The following GLS variants were observed in gnomAD, a reference collection of about 807,000 sequenced individuals.
GLS encodes the protein glutaminase.
A neutral mutation model predicts 86.7 loss-of-function variants in GLS; 36 were observed. The ratio of observed to expected loss-of-function variants is 0.42; its 90% CI spans 0.32 to 0.55. The LOEUF (loss-of-function observed/expected upper bound fraction) is 0.55. Among genes scored for constraint, GLS ranks in the 20% least tolerant of loss-of-function variants. The pLI is 0.17. For synonymous variants in GLS, 317 were observed against 305.9 expected (o/e 1.04, Z -0.38); for missense variants, 528 against 833.4 (o/e 0.63, Z 4.51).
At chr2:190,916,447 G>A (rs1689539145) in intron 7 of GLS, among the ~76,000 whole-genome samples, 1 of 152,042 alleles carries the variant, frequency 6.6e-6, no homozygotes, top group Non-Finnish European at 1.5e-5. Flanking sequence ...GTAGGCATGT[G>A]CTTTTCCTAA....
intron 6 of GLS, among the ~76,000 whole-genome samples, chr2:190,907,263 C>T (rs1449009741): frequency 5.7e-5 from 7 of 123,032 alleles, no homozygotes; most frequent in South Asian, 2.8e-4. Context: ...TTTTTTGAGA[C>T]GGGGTTTCAC....
chr2:190,908,931 T>C (rs1177129978), intron 6 of GLS, among the ~76,000 whole-genome samples: 2 of 152,250 alleles, frequency 1.3e-5, no homozygotes, highest in African/African-American at 4.8e-5. Context: ...ATTTATGTGA[T>C]ACCATTTGGA....
Position 190,934,367 on chromosome 2 carries a change from C to G in GLS, c.1650+2730C>G, listed in dbSNP as rs1039377886. On this transcript the variant is annotated intron_variant, in intron 14 of 17. Transcript: ENST00000320717. ...CCTTCTAGAGGTGCTGGCCAAAAAG[C>G]CTTTTGGGCTAACTTAAGTATTAAA... 36 of 961,354 alleles carry G rather than the reference C, an allele frequency of 3.7e-5. No individual in the cohort carries two copies. The Admixed American group carries it at 2.0e-3, about 53-fold the overall frequency. The allele number at this position is 961,354 out of a possible 1,614,324, so 59.6% of individuals were successfully genotyped here. A position where few individuals can be genotyped will look rare whatever the true frequency, so the allele number is the denominator to read the frequency against.
intron 14 of GLS, among the ~76,000 whole-genome samples, chr2:190,940,192 G>A (rs1690385204): frequency 6.6e-6 from 1 of 151,806 alleles, no homozygotes; most frequent in African/African-American, 2.4e-5. Flanking sequence ...TGAAGTATAT[G>A]CATCATTGAT....
At chr2:190,894,870 C>G (rs913493458) in intron 1 of GLS, among the ~76,000 whole-genome samples, 6 of 152,154 alleles carry the variant, frequency 3.9e-5, no homozygotes, top group Admixed American at 3.3e-4. Flanking sequence ...GAAGGCATCA[C>G]CATAACGGAT....
Position 190,953,693 on chromosome 2 carries a change from C to T in GLS, c.1712+67C>T. On this transcript the variant is annotated intron_variant, in intron 15 of 17. Transcript: ENST00000320717. This position sits in a 1 kb window ranked among gnomAD's most constrained non-coding sequence, Gnocchi z 4.0. ...TATGAAGTTGCTTCTGGGCGAGCAG[C>T]CATTTTAAGGTTAAAGTCTCACTTT... 1 of 1,098,878 alleles carries T rather than the reference C, an allele frequency of 9.1e-7. No homozygotes were observed. The highest frequency in any genetic ancestry group is 1.4e-6 in the Non-Finnish European group (1 of 726,198). 68.1% of individuals were successfully genotyped at this position (1,098,878 alleles called of 1,614,324 possible).
intron 3 of GLS, among the ~76,000 whole-genome samples, chr2:190,899,168 T>C (rs1010720013): frequency 6.6e-6 from 1 of 152,208 alleles, no homozygotes; most frequent in Non-Finnish European, 1.5e-5. Context: ...AGTTGGATTT[T>C]AGAAGCTATT....
intron 12 of GLS, among the ~76,000 whole-genome samples, chr2:190,929,271 ATTG>A (rs1259810473): frequency 1.3e-5 from 2 of 151,794 alleles, no homozygotes; most frequent in East Asian, 1.9e-4. Flanking sequence ...ATAACTTTTT[ATTG>A]TTTTCTAGTT....
intron 1 of GLS, chr2:190,881,709 C>T (rs1688199759): frequency 2.2e-6 from 1 of 456,504 alleles, no homozygotes; most frequent in African/African-American, 2.1e-5. Context: ...CGGGGGTCGC[C>T]CTGGTGGGGC....
chr2:190,957,401 C>A (rs1305369070), intron 17 of GLS, among the ~76,000 whole-genome samples: 1 of 152,178 alleles, frequency 6.6e-6, no homozygotes, highest in African/African-American at 2.4e-5. Context: ...CCCTTTATTT[C>A]TTTCCCTTGC....
rs1436016605 is a variant in GLS, at chr2:190,935,502, G to GT, written c.1650+3872dup. ...TTTAAAATGCAATATAGCATTAGTG[G>GT]TTTTTTTGGGAGGAGGACTTTTCTT... On this transcript the variant is annotated intron_variant, in intron 14 of 17. Coordinates refer to ENST00000320717, the MANE Select transcript of GLS (RefSeq NM_014905.5). The surrounding 1 kb of genome is among the most constrained non-coding windows in gnomAD (Gnocchi z 4.2). Among the ~76,000 whole-genome samples the GT allele has an allele frequency of 2.6e-5, 4 of 151,032 alleles. No homozygotes were observed. The highest frequency in any genetic ancestry group is 7.3e-5 in the African/African-American group (3 of 41,316).
intron 14 of GLS, among the ~76,000 whole-genome samples, chr2:190,932,124 A>G (rs778875431): frequency 1.3e-5 from 2 of 152,130 alleles, no homozygotes; most frequent in Admixed American, 6.5e-5. Context: ...TGAAGCCTCA[A>G]AAGTTTTATA....
chr2:190,881,495 A>G (rs1380084024), intron 1 of GLS, 25 bp downstream of exon 1: 27 of 1,534,182 alleles, frequency 1.8e-5, no homozygotes, highest in Non-Finnish European at 2.2e-5. Context: ...GAGGCGCAGG[A>G]GGCCTCGTTC....
intron 1 of GLS, among the ~76,000 whole-genome samples, chr2:190,894,458 C>G (rs1007349055): frequency 2.6e-4 from 39 of 152,082 alleles, no homozygotes; most frequent in Admixed American, 2.6e-3. Flanking sequence ...ATAACTACAA[C>G]TACTGTCAGT....
Position 190,913,174 on chromosome 2 carries a change from T to G in GLS, c.1038+2853T>G, listed in dbSNP as rs758229482. The G allele has an allele frequency of 2.3e-6, 3 of 1,297,218 alleles. No homozygotes were observed. Among genetic ancestry groups the G allele is most frequent in the South Asian group, 2.5e-5 (2 of 80,902 alleles). The allele number at this position is 1,297,218 out of a possible 1,614,324, so 80.4% of individuals were successfully genotyped here. On this transcript the variant is annotated intron_variant, in intron 7 of 17. Coordinates refer to ENST00000320717, the MANE Select transcript of GLS (RefSeq NM_014905.5). The surrounding 1 kb of genome is among the most constrained non-coding windows in gnomAD (Gnocchi z 6.1). ...TCTTGATTTCATAATTTTGTAGTAT[T>G]GATATTTTTTCCTTGTAGGATTGGT... is the stretch of plus-strand genomic sequence containing the variant.
At chr2:190,923,859 G>C in intron 9 of GLS, 58 bp from the exon 10 acceptor site, 2 of 1,030,282 alleles carry the variant, frequency 1.9e-6, no homozygotes, top group South Asian at 2.7e-5. Context: ...ATGAAATTAT[G>C]AACAATCACA....
Position 190,954,466 on chromosome 2 carries a change from T to G in GLS, c.1713-118T>G. The G allele has an allele frequency of 3.0e-6, 2 of 668,856 alleles. No individual in the cohort carries two copies. The highest frequency in any genetic ancestry group is 5.2e-6 in the Non-Finnish European group (2 of 381,160). The allele number at this position is 668,856 out of a possible 1,614,324, so 41.4% of individuals were successfully genotyped here. On this transcript the variant is annotated intron_variant, in intron 15 of 17. Coordinates refer to ENST00000320717, the MANE Select transcript of GLS (RefSeq NM_014905.5). This position sits in a 1 kb window ranked among gnomAD's most constrained non-coding sequence, Gnocchi z 4.0. ...TAATAAGGTCGGTAGTTCCCATTAATGAGCTTGATGAAGGATGGCACCTGA... is the reference window on the plus strand; with the variant it reads ...TAATAAGGTCGGTAGTTCCCATTAAGGAGCTTGATGAAGGATGGCACCTGA...
In GLS at chr2:190,913,085, A is replaced by G; in HGVS notation, c.1038+2764A>G. On this transcript the variant is annotated intron_variant, in intron 7 of 17. Coordinates refer to ENST00000320717, the MANE Select transcript of GLS (RefSeq NM_014905.5). This position sits in a 1 kb window ranked among gnomAD's most constrained non-coding sequence, Gnocchi z 6.1. ...AAATTCAGGAATTTATCATGGTGCC[A>G]TTAAAATCATTTTCTTCATGTTAAT... 1.1e-6 allele frequency: 1 copy of G among 949,734 alleles called. No individual in the cohort carries two copies. The highest frequency in any genetic ancestry group is 1.5e-6 in the Non-Finnish European group (1 of 672,064). The allele number at this position is 949,734 out of a possible 1,614,324, so 58.8% of individuals were successfully genotyped here.
chr2:190,904,789 G>GAGT (rs1257101029), intron 5 of GLS, among the ~76,000 whole-genome samples: 1 of 152,104 alleles, frequency 6.6e-6, no homozygotes, highest in African/African-American at 2.4e-5. Context: ...AGTGTCCATG[G>GAGT]AGTTTGGTAT....
Sources: gnomAD v4.1 joint callset for allele counts (sites outside exome capture counted in the v4.1 genomes callset) on GRCh38, gnomAD v4.1.1 for gene constraint, Gnocchi (gnomAD v3.1) non-coding constraint, MANE v1.5 for transcripts, NCBI Gene and HGNC (gene_info 2026-07-23, HGNC 2026-07-21) for gene names.